Variants in HS6ST3 observed in about 807,000 individuals in gnomAD.
HS6ST3 encodes the protein heparan sulfate 6-O-sulfotransferase 3, also known as heparan-sulfate 6-O-sulfotransferase 3.
HS6ST3 carries 12 observed loss-of-function variants against 36.7 expected under a neutral mutation model. That is an observed-to-expected ratio of 0.33 (90% CI 0.21 to 0.53). The LOEUF (loss-of-function observed/expected upper bound fraction) is 0.53, where lower values mean the gene tolerates loss of function less well. Among genes scored for constraint, HS6ST3 ranks in the 20% least tolerant of loss-of-function variants. HS6ST3 has a pLI of 0.95. For missense variants in HS6ST3, 584 were observed against 640.9 expected (o/e 0.91, Z 0.96); for synonymous variants, 240 against 257.5 (o/e 0.93, Z 0.65).
intron 1 of HS6ST3, among the ~76,000 whole-genome samples, chr13:96,168,650 G>A (rs1034115232): frequency 1.3e-5 from 2 of 151,212 alleles, no homozygotes. Context: ...GTAGTGAGCC[G>A]GGATCATGCT....
chr13:96,299,910 G>A (rs1056979225), intron 1 of HS6ST3, among the ~76,000 whole-genome samples: 1 of 151,976 alleles, frequency 6.6e-6, no homozygotes, highest in African/African-American at 2.4e-5. Flanking sequence ...AGGTTTAATT[G>A]ACTCACAGCT....
At position 96,493,340 on chromosome 13, in the gene HS6ST3, A is replaced by G. The variant is rs376589718; in HGVS notation, c.708-339150A>G. 2.6e-5 allele frequency among the ~76,000 whole-genome samples: 4 copies of G among 152,324 alleles called. No homozygotes were observed. The East Asian group carries it at 7.7e-4, about 29-fold the overall frequency. ...AAGTAATACTCTAAGATCTCTCTCA[A>G]TAAAGCATTTTTTTAAAAAATCACA... On this transcript the variant is annotated intron_variant, in intron 1 of 1. Transcript: ENST00000376705.
At chr13:96,353,994 C>T (rs2055197656) in intron 1 of HS6ST3, among the ~76,000 whole-genome samples, 1 of 152,074 alleles carries the variant, frequency 6.6e-6, no homozygotes, top group Non-Finnish European at 1.5e-5. Context: ...ATGAAATATT[C>T]CTTGATGTTT....
intron 1 of HS6ST3, among the ~76,000 whole-genome samples, chr13:96,820,436 T>C (rs563492973): frequency 6.6e-6 from 1 of 152,200 alleles, no homozygotes; most frequent in African/African-American, 2.4e-5. Context: ...TTGGAGTTTA[T>C]GAGGCTCTAA....
intron 1 of HS6ST3, among the ~76,000 whole-genome samples, chr13:96,372,897 T>TA: frequency 6.6e-6 from 1 of 152,188 alleles, no homozygotes; most frequent in East Asian, 1.9e-4. Flanking sequence ...GTATTGAACT[T>TA]ACCCTTTTGT....
chr13:96,335,552 A>G (rs1235079515), intron 1 of HS6ST3, among the ~76,000 whole-genome samples: 1 of 152,152 alleles, frequency 6.6e-6, no homozygotes, highest in Admixed American at 6.5e-5. Flanking sequence ...CTTACTGCAT[A>G]CACCAATGTC....
At chr13:96,809,839 A>G (rs928313665) in intron 1 of HS6ST3, among the ~76,000 whole-genome samples, 6 of 152,146 alleles carry the variant, frequency 3.9e-5, no homozygotes, top group African/African-American at 1.4e-4. Flanking sequence ...GTCCCTTGAA[A>G]GGTGAAGATA....
At chr13:96,136,637 A>AACCATATC (rs1178581192) in intron 1 of HS6ST3, among the ~76,000 whole-genome samples, 1 of 150,044 alleles carries the variant, frequency 6.7e-6, no homozygotes, top group African/African-American at 2.4e-5. Context: ...CAAAAATCCA[A>AACCATATC]ACCATATCAT....
chr13:96,413,525 A>C (rs2055518671), intron 1 of HS6ST3, among the ~76,000 whole-genome samples: 1 of 152,212 alleles, frequency 6.6e-6, no homozygotes, highest in African/African-American at 2.4e-5. Context: ...CAAAATATTA[A>C]GATTGAGAAT....
intron 1 of HS6ST3, among the ~76,000 whole-genome samples, chr13:96,304,723 T>TCTTTCTTTCTTTC (rs1278260017): frequency 7.3e-5 from 5 of 68,622 alleles, no homozygotes; most frequent in South Asian, 5.1e-4. Flanking sequence ...TTTTTTTTTT[T>TCTTTCTTTCTTTC]TTTTTTTTAC....
chr13:96,630,863 G>C (rs2056529639), intron 1 of HS6ST3, among the ~76,000 whole-genome samples: 1 of 151,980 alleles, frequency 6.6e-6, no homozygotes, highest in South Asian at 2.1e-4. Flanking sequence ...GGAAGTTGTT[G>C]GGAAAATTCA....
chr13:96,208,732 G>A (rs974421378), intron 1 of HS6ST3, among the ~76,000 whole-genome samples: 4 of 152,128 alleles, frequency 2.6e-5, no homozygotes, highest in Non-Finnish European at 5.9e-5. Flanking sequence ...TTAAATAGTA[G>A]CAGTCCTCTT....
At chr13:96,251,846 T>C (rs1467264782) in intron 1 of HS6ST3, among the ~76,000 whole-genome samples, 1 of 152,204 alleles carries the variant, frequency 6.6e-6, no homozygotes. Context: ...TTGCTTAATT[T>C]CTATATATTT....
chr13:96,408,408 G>A (rs1470746274), intron 1 of HS6ST3, among the ~76,000 whole-genome samples: 2 of 152,140 alleles, frequency 1.3e-5, no homozygotes, highest in Admixed American at 6.5e-5. Flanking sequence ...GCACAGATAT[G>A]TAGCTAAAAT....
chr13:96,092,809 G>T (rs1169528142), intron 1 of HS6ST3, among the ~76,000 whole-genome samples: 1 of 152,062 alleles, frequency 6.6e-6, no homozygotes, highest in Non-Finnish European at 1.5e-5. Context: ...TTTTTACTCT[G>T]GCAATTCTTC....
intron 1 of HS6ST3, among the ~76,000 whole-genome samples, chr13:96,603,300 T>C (rs947110928): frequency 4.6e-5 from 7 of 152,206 alleles, no homozygotes; most frequent in Non-Finnish European, 7.3e-5. Context: ...TTTGCCAAAC[T>C]TTGAAGTTTA....
intron 1 of HS6ST3, among the ~76,000 whole-genome samples, chr13:96,512,674 T>C (rs888270028): frequency 1.3e-5 from 2 of 152,218 alleles, no homozygotes; most frequent in African/African-American, 4.8e-5. Flanking sequence ...TATTAGTTAT[T>C]TTTTCTAGTA....
At position 96,698,137 on chromosome 13, in the gene HS6ST3, T is replaced by C. The variant is rs527649030; in HGVS notation, c.708-134353T>C. 2.9e-3 allele frequency among the ~76,000 whole-genome samples: 446 copies of C among 152,316 alleles called. 2 individuals are homozygous for C. Among genetic ancestry groups the C allele is most frequent in the African/African-American group, 0.01 (429 of 41,566 alleles). On this transcript the variant is annotated intron_variant, in intron 1 of 1. Coordinates refer to ENST00000376705, the MANE Select transcript of HS6ST3 (RefSeq NM_153456.4). ...GTATACATGTGCCATGTTGGTGTGC[T>C]GCACCCATTAACTCATTATTTAACA...
At chr13:96,100,087 AC>A (rs1268572110) in intron 1 of HS6ST3, among the ~76,000 whole-genome samples, 1 of 152,170 alleles carries the variant, frequency 6.6e-6, no homozygotes, top group African/African-American at 2.4e-5. Flanking sequence ...GAGAAGAAGA[AC>A]AAAAATAGTC....
Sources: gnomAD v4.1 joint callset for allele counts (sites outside exome capture counted in the v4.1 genomes callset) on GRCh38, gnomAD v4.1.1 for gene constraint, MANE v1.5 for transcripts, NCBI Gene and HGNC (gene_info 2026-07-23, HGNC 2026-07-21) for gene names.